EHBP1: variants seen among roughly 807,000 people sequenced by gnomAD.
EHBP1 encodes the protein EH domain binding protein 1.
A neutral mutation model predicts 144.0 loss-of-function variants in EHBP1; 55 were observed. The observed-to-expected ratio is 0.38, with a 90% CI of 0.31 to 0.48. The LOEUF (loss-of-function observed/expected upper bound fraction) is 0.48, where lower values mean the gene tolerates loss of function less well. Among genes scored for constraint, EHBP1 ranks in the 20% least tolerant of loss-of-function variants. The pLI is 0.98. For missense variants in EHBP1, 1,200 were observed against 1,364.2 expected (o/e 0.88, Z 1.90); for synonymous variants, 469 against 472.7 (o/e 0.99, Z 0.10).
At position 62,809,250 on chromosome 2, in the gene EHBP1, CATTG is replaced by C. The variant is rs1370677255; in HGVS notation, c.313-16836_313-16833del. Among the ~76,000 whole-genome samples, 60 of 141,070 alleles carry C rather than the reference CATTG, an allele frequency of 4.3e-4. 1 individual carries two copies. The highest frequency in any genetic ancestry group is 2.1e-4 in the Non-Finnish European group (14 of 66,492). The allele number at this position is 141,070 out of a possible 152,430, so 92.5% of individuals were successfully genotyped here. ...AGGTTGCAGTGAGCCAAGATCGCGC[CATTG>C]CACTCCAGCCTGGGCAACAGAGTGA... On this transcript the variant is annotated intron_variant, in intron 5 of 22. Transcript: ENST00000431489.
chr2:62,871,833 G>C (rs1400433459), intron 9 of EHBP1, among the ~76,000 whole-genome samples: 1 of 152,102 alleles, frequency 6.6e-6, no homozygotes, highest in African/African-American at 2.4e-5. Flanking sequence ...TTTACACTTA[G>C]CAACTGCATG....
intron 10 of EHBP1, among the ~76,000 whole-genome samples, chr2:62,878,509 C>T (rs1311170248): frequency 6.6e-6 from 1 of 152,042 alleles, no homozygotes; most frequent in Non-Finnish European, 1.5e-5. Context: ...AAAGACACAA[C>T]AAAAAAGGAA....
Position 62,948,930 on chromosome 2 carries a change from G to A in EHBP1, c.2084G>A (p.Ser695Asn), listed in dbSNP as rs755521829. 8.7e-6 allele frequency: 14 copies of A among 1,614,056 alleles called. No individual in the cohort carries two copies. In the South Asian group the frequency reaches 1.5e-4, roughly 18 times the overall value. The change falls in exon 13 of 23, where the codon AGT becomes AAT. Residue 695 changes from serine to asparagine, a missense_variant. This residue lies in a region of EHBP1 where 543 missense variants were observed against 513.1 expected (regional missense o/e 1.06). Coordinates refer to ENST00000431489, the MANE Select transcript of EHBP1 (RefSeq NM_001142616.3). ...AAGCTTCAAACTCTAGACATCGGTA[G>A]TAACTTGGAGAAAGAAAAATTAGAG... ...EQKLQTLDIG[S>N]NLEKEKLENS... is the part of the protein sequence containing the mutation.
intron 19 of EHBP1, among the ~76,000 whole-genome samples, chr2:63,004,695 T>G (rs1356757891): frequency 6.6e-6 from 1 of 152,114 alleles, no homozygotes; most frequent in Non-Finnish European, 1.5e-5. Context: ...AATTTTAGCA[T>G]ACAGCTCCAA....
intron 5 of EHBP1, among the ~76,000 whole-genome samples, chr2:62,781,512 A>G (rs932415968): frequency 6.6e-6 from 1 of 152,156 alleles, no homozygotes; most frequent in African/African-American, 2.4e-5. Context: ...TAGTATATAT[A>G]TGGTAAAGGC....
intron 19 of EHBP1, among the ~76,000 whole-genome samples, chr2:63,012,312 T>C (rs539427677): frequency 3.9e-5 from 6 of 152,184 alleles, no homozygotes; most frequent in Non-Finnish European, 8.8e-5. Flanking sequence ...ACTGTTAAAC[T>C]ACCTTCACCA....
intron 6 of EHBP1, among the ~76,000 whole-genome samples, chr2:62,827,416 A>G (rs985150242): frequency 9.9e-5 from 15 of 152,234 alleles, no homozygotes; most frequent in Admixed American, 2.6e-4. Flanking sequence ...ACACAAATTC[A>G]GAGAAGATCC....
At chr2:62,883,783 G>A (rs1222078952) in intron 10 of EHBP1, among the ~76,000 whole-genome samples, 1 of 152,176 alleles carries the variant, frequency 6.6e-6, no homozygotes, top group Non-Finnish European at 1.5e-5. Context: ...GGGCAATATA[G>A]TGAGACCCTG....
At chr2:62,855,400 G>A (rs529890801) in intron 7 of EHBP1, among the ~76,000 whole-genome samples, 10 of 152,204 alleles carry the variant, frequency 6.6e-5, no homozygotes, top group Admixed American at 5.2e-4. Flanking sequence ...TGGCCTGCAG[G>A]CACCCATTGG....
chr2:62,900,678 GTATGTGTATATATATATATATA>G (rs1355804565), intron 10 of EHBP1, among the ~76,000 whole-genome samples: 1 of 138,396 alleles, frequency 7.2e-6, no homozygotes, highest in African/African-American at 3.3e-5. Flanking sequence ...GGGTGTGTGT[GTATGTGTATATATATATATATA>G]TATTTTCTTT....
At chr2:62,946,327 T>A (rs2057065989) in intron 12 of EHBP1, among the ~76,000 whole-genome samples, 2 of 152,126 alleles carry the variant, frequency 1.3e-5, no homozygotes, top group South Asian at 2.1e-4. Context: ...CCCATTAAAA[T>A]TTTTTTTCAA....
chr2:62,678,326 G>C (rs948398314), intron 1 of EHBP1, among the ~76,000 whole-genome samples: 1 of 152,088 alleles, frequency 6.6e-6, no homozygotes, highest in African/African-American at 2.4e-5. Context: ...TTTTTGATAG[G>C]ATTATTAGAC....
In EHBP1 at chr2:62,680,726, G is replaced by C. The variant is rs775343858; in HGVS notation, c.-296+6643G>C. Among the ~76,000 whole-genome samples the C allele has an allele frequency of 9.2e-5, 14 of 152,222 alleles. No individual in the cohort carries two copies. In the Middle Eastern group the frequency reaches 0.01, roughly 111 times the overall value. On this transcript the variant is annotated intron_variant, in intron 1 of 22. Transcript: ENST00000405015. ...CTCAAGCAGTAGTGCTGTCTAGAGG[G>C]AATATGAGGCTATTTAGTGACAAAG... is the stretch of plus-strand genomic sequence containing the variant.
At chr2:62,779,296 A>G (rs748023297) in intron 5 of EHBP1, among the ~76,000 whole-genome samples, 1 of 152,174 alleles carries the variant, frequency 6.6e-6, no homozygotes, top group South Asian at 2.1e-4. Context: ...TATTAATCCA[A>G]TAATTAAGAA....
At chr2:62,774,700 C>T (rs572119203) in intron 5 of EHBP1, among the ~76,000 whole-genome samples, 24 of 152,180 alleles carry the variant, frequency 1.6e-4, no homozygotes, top group African/African-American at 5.8e-4. Flanking sequence ...AAAAAATTAA[C>T]TGGACGTGGT....
intron 19 of EHBP1, among the ~76,000 whole-genome samples, chr2:63,020,612 G>T (rs922792468): frequency 6.6e-6 from 1 of 151,964 alleles, no homozygotes; most frequent in Non-Finnish European, 1.5e-5. Context: ...CACTCAATAC[G>T]ATAGTAGCTA....
chr2:62,927,821 A>T (rs919556736), intron 10 of EHBP1, among the ~76,000 whole-genome samples: 4 of 152,244 alleles, frequency 2.6e-5, no homozygotes, highest in African/African-American at 9.6e-5. Flanking sequence ...CCAAATGCAC[A>T]TGGGACATTT....
chr2:62,989,755 T>C (rs1440957255), intron 15 of EHBP1, among the ~76,000 whole-genome samples: 1 of 152,236 alleles, frequency 6.6e-6, no homozygotes, highest in East Asian at 1.9e-4. Context: ...CCTTAGAATA[T>C]ATTATGATTT....
chr2:62,915,475 A>G (rs1438088433), intron 10 of EHBP1, among the ~76,000 whole-genome samples: 1 of 152,054 alleles, frequency 6.6e-6, no homozygotes, highest in African/African-American at 2.4e-5. Flanking sequence ...TTTTTATTTT[A>G]GTAATTGTAA....
Sources: gnomAD v4.1 joint callset for allele counts (sites outside exome capture counted in the v4.1 genomes callset) on GRCh38, gnomAD v4.1.1 for gene constraint, gnomAD v4.1.1 regional missense constraint, MANE v1.5 for transcripts, NCBI Gene and HGNC (gene_info 2026-07-23, HGNC 2026-07-21) for gene names.